Variants in PRKD1 observed in about 807,000 individuals in gnomAD.
The protein encoded by PRKD1 is protein kinase D1.
A neutral mutation model predicts 95.9 loss-of-function variants in PRKD1; 63 were observed. That is an observed-to-expected ratio of 0.66 (90% confidence interval 0.54 to 0.81). PRKD1 has a LOEUF of 0.81. PRKD1 is among the 30% of genes least tolerant of loss of function. The pLI, the probability that PRKD1 is intolerant of heterozygous loss-of-function variation, is 0.00. For synonymous variants in PRKD1, 425 were observed against 423.1 expected (o/e 1.00, Z -0.05); for missense variants, 1,048 against 1,165.3 (o/e 0.90, Z 1.47).
chr14:29,798,287 A>C (rs2139210937), intron 1 of PRKD1, among the ~76,000 whole-genome samples: 1 of 152,298 alleles, frequency 6.6e-6, no homozygotes, highest in South Asian at 2.1e-4. Context: ...ACTGCTTTTC[A>C]GACTCATGTG....
At position 29,927,339 on chromosome 14, in the gene PRKD1, G is replaced by A. The variant is rs772173030; in HGVS notation, c.174C>T (p.Ser58=). 1 of 1,566,664 alleles carries A rather than the reference G, an allele frequency of 6.4e-7. No individual in the cohort carries two copies. The highest frequency in any genetic ancestry group is 8.6e-7 in the Non-Finnish European group (1 of 1,158,570). ...CCTGCAGCAGCAGCACCGGCTCACG[G>A]CTCAGGCCGATCTGCAGATGGAACG... ...GISFHLQIGL[S]REPVLLLQDS... is the part of the protein sequence containing the mutation. Residue 58 remains serine (S), a synonymous_variant, in exon 1 of 18, where the codon AGC becomes AGT. Coordinates refer to ENST00000331968, the MANE Select transcript of PRKD1 (RefSeq NM_002742.3).
intron 1 of PRKD1, among the ~76,000 whole-genome samples, chr14:29,737,883 C>G (rs1483639108): frequency 6.6e-6 from 1 of 152,136 alleles, no homozygotes; most frequent in African/African-American, 2.4e-5. Flanking sequence ...ATCACCCTTA[C>G]AATTTTTAAA....
At chr14:29,900,484 G>A (rs80320491) in intron 1 of PRKD1, among the ~76,000 whole-genome samples, 9,877 of 152,136 alleles carry the variant, frequency 0.065, 390 homozygotes, top group South Asian at 0.11. Context: ...AAACTGACAA[G>A]TGAAACCTAA....
chr14:29,744,872 A>G (rs915557246), intron 1 of PRKD1, among the ~76,000 whole-genome samples: 3 of 152,180 alleles, frequency 2.0e-5, no homozygotes, highest in Non-Finnish European at 2.9e-5. Flanking sequence ...AACATGTGTC[A>G]GATCAAAGCC....
chr14:29,689,906 G>C (rs1042048829), intron 2 of PRKD1, among the ~76,000 whole-genome samples: 2 of 152,174 alleles, frequency 1.3e-5, no homozygotes, highest in African/African-American at 4.8e-5. Context: ...CTTATATGTG[G>C]GAGCTGAACA....
At chr14:29,889,013 A>G (rs1468639969) in intron 1 of PRKD1, among the ~76,000 whole-genome samples, 1 of 152,156 alleles carries the variant, frequency 6.6e-6, no homozygotes, top group Non-Finnish European at 1.5e-5. Flanking sequence ...GGTCTTCCTC[A>G]TATGTGCAAA....
intron 16 of PRKD1, among the ~76,000 whole-genome samples, chr14:29,593,481 G>A (rs926774797): frequency 6.6e-5 from 10 of 152,146 alleles, no homozygotes; most frequent in African/African-American, 2.4e-4. Flanking sequence ...TGGGGCTGCC[G>A]AATGATTGTT....
chr14:29,689,458 A>C (rs939854654), intron 2 of PRKD1, among the ~76,000 whole-genome samples: 1 of 151,866 alleles, frequency 6.6e-6, no homozygotes, highest in African/African-American at 2.4e-5. Flanking sequence ...TCAAGAAACA[A>C]CAACAACAAA....
At chr14:29,730,297 A>G (rs1450559425) in intron 1 of PRKD1, among the ~76,000 whole-genome samples, 1 of 152,084 alleles carries the variant, frequency 6.6e-6, no homozygotes, top group Non-Finnish European at 1.5e-5. Flanking sequence ...GAGAAGTGCA[A>G]ATTAAAAACA....
intron 1 of PRKD1, among the ~76,000 whole-genome samples, chr14:29,857,530 G>A (rs1436744478): frequency 6.6e-6 from 1 of 152,160 alleles, no homozygotes; most frequent in African/African-American, 2.4e-5. Flanking sequence ...TTTTCACATA[G>A]CTTTTTCAGG....
At chr14:29,749,931 T>G (rs574288671) in intron 1 of PRKD1, among the ~76,000 whole-genome samples, 13 of 152,262 alleles carry the variant, frequency 8.5e-5, no homozygotes, top group African/African-American at 3.1e-4. Context: ...AACATGAACA[T>G]TTACACAGCA....
intron 4 of PRKD1, among the ~76,000 whole-genome samples, chr14:29,659,743 A>ATTGTCTATC (rs1882088592): frequency 6.6e-6 from 1 of 152,138 alleles, no homozygotes; most frequent in African/African-American, 2.4e-5. Flanking sequence ...TTTCATGTTT[A>ATTGTCTATC]TTGTCTATCT....
intron 2 of PRKD1, among the ~76,000 whole-genome samples, chr14:29,709,026 C>T (rs186521938): frequency 6.6e-6 from 1 of 152,188 alleles, no homozygotes; most frequent in African/African-American, 2.4e-5. Context: ...GTACTGCATG[C>T]TTGGAAATTG....
chr14:29,876,820 T>C (rs1406534945), intron 1 of PRKD1, among the ~76,000 whole-genome samples: 1 of 151,976 alleles, frequency 6.6e-6, no homozygotes, highest in African/African-American at 2.4e-5. Context: ...CATGAAAAGA[T>C]GTCTGCAATC....
At chr14:29,715,453 T>C (rs1206882266) in intron 2 of PRKD1, among the ~76,000 whole-genome samples, 4 of 152,170 alleles carry the variant, frequency 2.6e-5, no homozygotes, top group South Asian at 2.1e-4. Flanking sequence ...TAGTCGCATA[T>C]GGTTAAAAGC....
At chr14:29,887,872 C>T (rs1196930772) in intron 1 of PRKD1, among the ~76,000 whole-genome samples, 1 of 152,100 alleles carries the variant, frequency 6.6e-6, no homozygotes, top group Admixed American at 6.5e-5. Context: ...CACTCTATGG[C>T]ATTCACACAA....
intron 1 of PRKD1, among the ~76,000 whole-genome samples, chr14:29,774,216 G>A (rs1888636231): frequency 6.6e-6 from 1 of 152,234 alleles, no homozygotes; most frequent in African/African-American, 2.4e-5. Flanking sequence ...TGGAGAGAAT[G>A]AGATGCACTT....
chr14:29,900,068 A>G (rs1298730697), intron 1 of PRKD1, among the ~76,000 whole-genome samples: 1 of 152,242 alleles, frequency 6.6e-6, no homozygotes, highest in African/African-American at 2.4e-5. Context: ...CTCCGCAGCC[A>G]TGCAGAACTG....
chr14:29,807,699 A>ATTTCT (rs1278812033), intron 1 of PRKD1, among the ~76,000 whole-genome samples: 1 of 150,912 alleles, frequency 6.6e-6, no homozygotes, highest in East Asian at 2.0e-4. Context: ...TACCAGCCCA[A>ATTTCT]TTTCTTTTCT....
Sources: gnomAD v4.1 joint callset for allele counts (sites outside exome capture counted in the v4.1 genomes callset) on GRCh38, gnomAD v4.1.1 for gene constraint, MANE v1.5 for transcripts, NCBI Gene and HGNC (gene_info 2026-07-23, HGNC 2026-07-21) for gene names.